HLCS: variants seen among roughly 807,000 people sequenced by gnomAD.
HLCS encodes the protein biotin--protein ligase.
A neutral mutation model predicts 75.0 loss-of-function variants in HLCS; 53 were observed. The observed-to-expected ratio is 0.71, with a 90% CI of 0.57 to 0.89. The LOEUF (loss-of-function observed/expected upper bound fraction) is 0.89, where lower values mean the gene tolerates loss of function less well. HLCS is among the 40% of genes least tolerant of loss of function. HLCS has a pLI of 0.00. For missense variants in HLCS, 966 were observed against 1,074.0 expected (o/e 0.90, Z 1.41); for synonymous variants, 431 against 428.6 (o/e 1.01, Z -0.07).
chr21:36,842,084 C>T lies in HLCS; in HGVS notation c.1892+54776G>A, dbSNP rs1359411498. Among the ~76,000 whole-genome samples the T allele has an allele frequency of 1.3e-5, 2 of 152,082 alleles. No individual in the cohort carries two copies. Among genetic ancestry groups the T allele is most frequent in the South Asian group, 4.1e-4 (2 of 4,826 alleles). ...CCAAACCAGAAACAACCCAAATGCC[C>T]GTTAATAGTAGAAGATAAACAAATT... On this transcript the variant is annotated intron_variant, in intron 6 of 10. Coordinates refer to ENST00000674895, the MANE Select transcript of HLCS (RefSeq NM_001352514.2). This position sits in a 1 kb window ranked among gnomAD's most constrained non-coding sequence, Gnocchi z 4.2.
chr21:36,896,555 C>T (rs1014163337), intron 6 of HLCS: 3 of 420,680 alleles, frequency 7.1e-6, no homozygotes, highest in Admixed American at 3.9e-5. Context: ...GCAATAATGC[C>T]ACCGGTTAAA....
chr21:36,827,976 G>C (rs539541451), intron 6 of HLCS, among the ~76,000 whole-genome samples: 1 of 152,056 alleles, frequency 6.6e-6, no homozygotes, highest in Admixed American at 6.5e-5. Flanking sequence ...ACCACACCCA[G>C]CTAATTTTTT....
At chr21:36,970,361 G>A (rs187400732), upstream of HLCS, among the ~76,000 whole-genome samples, 43 of 151,990 alleles carry the variant, frequency 2.8e-4, no homozygotes, top group Non-Finnish European at 5.3e-4. Context: ...GTTTCCCAAA[G>A]TGTTGGGATT....
chr21:36,898,042 C>T (rs751473092), intron 5 of HLCS, among the ~76,000 whole-genome samples: 12 of 152,214 alleles, frequency 7.9e-5, no homozygotes, highest in Non-Finnish European at 8.8e-5. Context: ...AGAGTAGTGG[C>T]ATCAGAGATG....
At chr21:36,834,137 G>A (rs954855641) in intron 6 of HLCS, among the ~76,000 whole-genome samples, 4 of 152,196 alleles carry the variant, frequency 2.6e-5, no homozygotes, top group African/African-American at 9.7e-5. Context: ...GGCGTACGCC[G>A]GGGTCCTGGA....
Position 36,936,545 on chromosome 21 carries a change from G to A in HLCS, c.1341C>T (p.Pro447=), listed in dbSNP as rs543680851. The A allele has an allele frequency of 1.5e-5, 24 of 1,614,152 alleles. No individual in the cohort carries two copies. Among genetic ancestry groups the A allele is most frequent in the Admixed American group, 6.7e-5 (4 of 60,022 alleles). Residue 447 remains proline, a synonymous_variant, in exon 4 of 11, where the codon CCC becomes CCT. Coordinates refer to ENST00000674895, the MANE Select transcript of HLCS (RefSeq NM_001352514.2). ...TCTCCAGGTGGCCCTGGAGCCTGCC[G>A]GGGCTGAGCCGGACGGGGCCTTCCT... The part of the protein sequence containing the change: ...RYQEGPVRLS[P]GRLQGHLENE...
intron 6 of HLCS, among the ~76,000 whole-genome samples, chr21:36,803,159 G>A (rs575684862): frequency 1.6e-4 from 25 of 152,320 alleles, no homozygotes; most frequent in South Asian, 6.2e-4. Flanking sequence ...AGCCCAAGGC[G>A]TCACTGAGCT....
intron 6 of HLCS, among the ~76,000 whole-genome samples, chr21:36,868,209 G>GGA (rs1208285888): frequency 4.9e-5 from 4 of 81,120 alleles, no homozygotes; most frequent in South Asian, 7.7e-4. Flanking sequence ...AAAGGGAAGG[G>GGA]AAGGGAAAAA....
chr21:36,880,811 A>G (rs931839796), intron 6 of HLCS, among the ~76,000 whole-genome samples: 1 of 152,110 alleles, frequency 6.6e-6, no homozygotes, highest in Admixed American at 6.5e-5. Flanking sequence ...ACATCTGCCC[A>G]AACTCCCCTT....
In HLCS at chr21:36,820,900, C is replaced by A. The variant is rs150296498; in HGVS notation, c.1893-53615G>T. On this transcript the variant is annotated intron_variant, in intron 6 of 10. Transcript: ENST00000674895. ...CAGAAGTCAGCTCCGTGGGTGGTGA[C>A]CCCGTGGAGGGGAAATATAAACCAG... Among the ~76,000 whole-genome samples the A allele has an allele frequency of 1.5e-3, 234 of 152,302 alleles. 3 individuals are homozygous for A. Among genetic ancestry groups the A allele is most frequent in the East Asian group, 0.013 (65 of 5,180 alleles).
intron 6 of HLCS, among the ~76,000 whole-genome samples, chr21:36,796,703 C>T (rs1289806746): frequency 6.6e-6 from 1 of 152,162 alleles, no homozygotes; most frequent in East Asian, 1.9e-4. Context: ...TCAATGTTAG[C>T]TCTCCCTTTG....
chr21:36,883,161 A>T (rs2064302888), intron 6 of HLCS, among the ~76,000 whole-genome samples: 1 of 152,198 alleles, frequency 6.6e-6, no homozygotes, highest in South Asian at 2.1e-4. Context: ...GGTATTTCAG[A>T]GCTCAGAAGG....
At chr21:36,967,880 T>C (rs576499578), upstream of HLCS, among the ~76,000 whole-genome samples, 1 of 152,210 alleles carries the variant, frequency 6.6e-6, no homozygotes, top group African/African-American at 2.4e-5. Flanking sequence ...TCACCATGCC[T>C]GGCTAACTTT....
At chr21:36,798,748 T>C (rs1431451810) in intron 6 of HLCS, among the ~76,000 whole-genome samples, 3 of 152,268 alleles carry the variant, frequency 2.0e-5, no homozygotes, top group Non-Finnish European at 4.4e-5. Context: ...TGAAGTGGTA[T>C]CTTATCATAG....
intron 6 of HLCS, among the ~76,000 whole-genome samples, chr21:36,850,512 T>C (rs550217825): frequency 6.6e-6 from 1 of 152,276 alleles, no homozygotes; most frequent in African/African-American, 2.4e-5. Context: ...CTTGCAGGGT[T>C]GTCTTGGGAA....
chr21:36,775,415 G>A (rs952616119), intron 6 of HLCS, among the ~76,000 whole-genome samples: 9 of 152,172 alleles, frequency 5.9e-5, no homozygotes, highest in East Asian at 1.9e-4. Flanking sequence ...AGATGCCTGC[G>A]CATCCACTGC....
intron 6 of HLCS, among the ~76,000 whole-genome samples, chr21:36,834,967 A>G (rs1285399158): frequency 1.3e-5 from 2 of 152,088 alleles, no homozygotes; most frequent in Non-Finnish European, 2.9e-5. Flanking sequence ...GTGGGGGGTC[A>G]GGAGTTAGGC....
At chr21:36,891,091 G>A (rs1451092790) in intron 6 of HLCS, among the ~76,000 whole-genome samples, 1 of 152,160 alleles carries the variant, frequency 6.6e-6, no homozygotes, top group Non-Finnish European at 1.5e-5. Flanking sequence ...TGTAGGTCAC[G>A]TGACTAGGTC....
intron 2 of HLCS, among the ~76,000 whole-genome samples, chr21:36,945,596 G>A (rs1005270986): frequency 6.6e-6 from 1 of 152,180 alleles, no homozygotes; most frequent in Non-Finnish European, 1.5e-5. Flanking sequence ...TTTACATGAA[G>A]TATCTAAAAT....
Sources: gnomAD v4.1 joint callset for allele counts (sites outside exome capture counted in the v4.1 genomes callset) on GRCh38, gnomAD v4.1.1 for gene constraint, Gnocchi (gnomAD v3.1) non-coding constraint, MANE v1.5 for transcripts, NCBI Gene and HGNC (gene_info 2026-07-23, HGNC 2026-07-21) for gene names.